The following GBE1 variants were observed in gnomAD, a reference collection of about 807,000 sequenced individuals.
The protein encoded by GBE1 is 1,4-alpha-glucan-branching enzyme.
GBE1 carries 70 observed loss-of-function variants against 88.8 expected under a neutral mutation model. That is an observed-to-expected ratio of 0.79 (90% CI 0.65 to 0.96). GBE1 has a LOEUF of 0.96. Ranked by LOEUF, GBE1 falls within the 40% of genes least tolerant of loss-of-function variation. The pLI, the probability that GBE1 is intolerant of heterozygous loss-of-function variation, is 0.00. For synonymous variants in GBE1, 284 were observed against 300.1 expected (o/e 0.95, Z 0.56); for missense variants, 872 against 871.0 (o/e 1.00, Z -0.01).
chr3:81,511,709 A>G (rs1350578769), intron 14 of GBE1, among the ~76,000 whole-genome samples: 1 of 152,042 alleles, frequency 6.6e-6, no homozygotes, highest in African/African-American at 2.4e-5. Context: ...GCTGCAGAGA[A>G]AAGGGAACAC....
chr3:81,586,457 T>C (rs1160801977), intron 9 of GBE1, among the ~76,000 whole-genome samples: 1 of 152,198 alleles, frequency 6.6e-6, no homozygotes, highest in African/African-American at 2.4e-5. Flanking sequence ...AGCAAAACTG[T>C]TATTGCTAAA....
intron 12 of GBE1, among the ~76,000 whole-genome samples, chr3:81,545,236 AT>A (rs1252362085): frequency 6.6e-6 from 1 of 151,952 alleles, no homozygotes; most frequent in Non-Finnish European, 1.5e-5. Flanking sequence ...TAAAAAAAAA[AT>A]AAACTTGTAA....
chr3:81,585,483 C>T (rs1038246717), intron 10 of GBE1, among the ~76,000 whole-genome samples: 1 of 151,786 alleles, frequency 6.6e-6, no homozygotes, highest in Non-Finnish European at 1.5e-5. Flanking sequence ...TACATAATGA[C>T]TTTAGTCCTT....
At chr3:81,642,668 TAAG>T in intron 7 of GBE1, 110 bp downstream of exon 7, 2 of 697,242 alleles carry the variant, frequency 2.9e-6, no homozygotes, top group Non-Finnish European at 4.9e-6. Context: ...TAAATCCAAT[TAAG>T]AACATTAAGT....
intron 1 of GBE1, among the ~76,000 whole-genome samples, chr3:81,732,217 TAGAA>T (rs1706197987): frequency 6.6e-6 from 1 of 151,994 alleles, no homozygotes; most frequent in Non-Finnish European, 1.5e-5. Flanking sequence ...TAAAATGAAA[TAGAA>T]AGGCTGCTAT....
chr3:81,744,474 T>C (rs151311429), intron 1 of GBE1, among the ~76,000 whole-genome samples: 1 of 152,122 alleles, frequency 6.6e-6, no homozygotes, highest in Non-Finnish European at 1.5e-5. Context: ...AGGAGGAGCA[T>C]GAGCATTCAG....
intron 7 of GBE1, among the ~76,000 whole-genome samples, chr3:81,604,842 C>G (rs1704084058): frequency 6.6e-6 from 1 of 152,042 alleles, no homozygotes; most frequent in African/African-American, 2.4e-5. Flanking sequence ...CTTCCTTTCC[C>G]CCCACAGCTT....
intron 12 of GBE1, among the ~76,000 whole-genome samples, chr3:81,566,993 G>A (rs1440561353): frequency 1.3e-5 from 2 of 151,996 alleles, no homozygotes; most frequent in African/African-American, 4.8e-5. Flanking sequence ...CATCCCACTC[G>A]AACTGCTATC....
intron 1 of GBE1, among the ~76,000 whole-genome samples, chr3:81,744,352 T>G (rs572773318): frequency 2.5e-4 from 38 of 152,280 alleles, no homozygotes; most frequent in African/African-American, 9.1e-4. Flanking sequence ...AAAATTAGTT[T>G]TCTTTCTACC....
At chr3:81,537,133 T>C in intron 12 of GBE1, 38 bp from the exon 13 acceptor site, 2 of 1,206,778 alleles carry the variant, frequency 1.7e-6, no homozygotes, top group South Asian at 2.0e-5. Flanking sequence ...AGCCTATTAA[T>C]ATTAGAATTT....
At chr3:81,519,347 A>G (rs1341175963) in intron 14 of GBE1, among the ~76,000 whole-genome samples, 1 of 151,598 alleles carries the variant, frequency 6.6e-6, no homozygotes, top group Non-Finnish European at 1.5e-5. Context: ...TTAAAGATTT[A>G]GTCCTAGATT....
chr3:81,567,626 A>G (rs773166550), intron 12 of GBE1, among the ~76,000 whole-genome samples: 26 of 152,240 alleles, frequency 1.7e-4, no homozygotes, highest in Non-Finnish European at 2.6e-4. Context: ...AAAAACCTGA[A>G]GTCATTCTTT....
intron 7 of GBE1, among the ~76,000 whole-genome samples, chr3:81,636,478 C>T (rs1281078772): frequency 6.6e-6 from 1 of 151,302 alleles, no homozygotes; most frequent in African/African-American, 2.4e-5. Flanking sequence ...GAATAGTTAG[C>T]TGTTTGCTAA....
At chr3:81,686,975 G>A (rs552143321) in intron 2 of GBE1, among the ~76,000 whole-genome samples, 5 of 151,742 alleles carry the variant, frequency 3.3e-5, no homozygotes, top group East Asian at 3.9e-4. Context: ...CATACTACAC[G>A]GTCAGCATCA....
chr3:81,639,730 G>A (rs1256520133), intron 7 of GBE1, among the ~76,000 whole-genome samples: 1 of 152,144 alleles, frequency 6.6e-6, no homozygotes, highest in Non-Finnish European at 1.5e-5. Flanking sequence ...TCGCTCTTGT[G>A]AGAAAGCCCA....
At chr3:81,600,699 A>T (rs1159157208) in intron 7 of GBE1, among the ~76,000 whole-genome samples, 1 of 152,190 alleles carries the variant, frequency 6.6e-6, no homozygotes, top group Non-Finnish European at 1.5e-5. Flanking sequence ...TATTCAAGGA[A>T]AACACTACTA....
At chr3:81,512,806 T>C (rs912763521) in intron 14 of GBE1, among the ~76,000 whole-genome samples, 2 of 151,840 alleles carry the variant, frequency 1.3e-5, no homozygotes, top group African/African-American at 4.8e-5. Flanking sequence ...GTAAAAGTAT[T>C]CGCATATTGT....
intron 12 of GBE1, among the ~76,000 whole-genome samples, chr3:81,561,067 A>G (rs1267214980): frequency 1.3e-5 from 2 of 152,054 alleles, no homozygotes; most frequent in Non-Finnish European, 2.9e-5. Flanking sequence ...TTGCTGTATT[A>G]CAAAATTCCT....
intron 3 of GBE1, among the ~76,000 whole-genome samples, chr3:81,650,839 G>A (rs1027648448): frequency 6.6e-6 from 1 of 151,442 alleles, no homozygotes; most frequent in African/African-American, 2.4e-5. Flanking sequence ...TAATTTTGGG[G>A]GGGTCTGGGG....
Sources: gnomAD v4.1 joint callset for allele counts (sites outside exome capture counted in the v4.1 genomes callset) on GRCh38, gnomAD v4.1.1 for gene constraint, MANE v1.5 for transcripts, NCBI Gene and HGNC (gene_info 2026-07-23, HGNC 2026-07-21) for gene names.